Variants in WDR54 observed in about 807,000 individuals in gnomAD.
WDR54 encodes WD repeat domain 54, also known as WD repeat-containing protein 54.
A neutral mutation model predicts 44.1 loss-of-function variants in WDR54; 44 were observed. The observed-to-expected ratio is 1.00, with a 90% confidence interval of 0.78 to 1.28. The LOEUF is 1.28. Ranked by LOEUF, WDR54 falls within the 50% of genes most tolerant of loss-of-function variation. The probability of loss-of-function intolerance (pLI) is 0.00; values close to 1 mark genes in which losing one functional copy is unlikely to be tolerated. For missense variants in WDR54, 409 were observed against 429.7 expected (o/e 0.95, Z 0.43); for synonymous variants, 169 against 169.8 (o/e 1.00, Z 0.04).
intron 2 of WDR54, 176 bp from the exon 3 acceptor site, chr2:74,422,694 G>A (rs948711857): frequency 6.2e-6 from 4 of 648,230 alleles, no homozygotes; most frequent in Non-Finnish European, 1.1e-5. Context: ...TTGGGTGGCT[G>A]AGGCAGGAGA....
chr2:74,425,329 C>T, intron 8 of WDR54, 88 bp from the exon 9 acceptor site: 2 of 1,583,480 alleles, frequency 1.3e-6, no homozygotes, highest in Non-Finnish European at 1.7e-6. Context: ...CTCAGTGTAG[C>T]CCCCTCCCCT....
Position 74,422,363 on chromosome 2 carries a change from A to C in WDR54, c.210A>C (p.Pro70=). The C allele has an allele frequency of 6.2e-7, 1 of 1,612,558 alleles. No individual in the cohort carries two copies. Among genetic ancestry groups the C allele is most frequent in the Non-Finnish European group, 8.5e-7 (1 of 1,178,898 alleles). The change falls in exon 2 of 10, where the codon CCA becomes CCC. Residue 70 remains proline, a synonymous_variant. Coordinates refer to ENST00000348227, the MANE Select transcript of WDR54 (RefSeq NM_032118.4). ...HAKEGAGVSP[P]LITQVHWCVL... is the part of the protein sequence containing the mutation. Reference sequence around the variant, plus strand: ...AGGAGGGTGCTGGAGTGAGTCCCCCACTTATCACTCAGGTGAGGCATGGAG... The same window carrying C: ...AGGAGGGTGCTGGAGTGAGTCCCCCCCTTATCACTCAGGTGAGGCATGGAG...
intron 6 of WDR54, 78 bp downstream of exon 6, chr2:74,424,060 T>G: frequency 2.5e-6 from 4 of 1,582,278 alleles, no homozygotes; most frequent in Non-Finnish European, 3.4e-6. Context: ...GTCTTGGCTC[T>G]GCCACTAAAC....
chr2:74,421,778 T>C lies in WDR54; in HGVS notation c.-40T>C. Reference sequence around the variant, plus strand: ...GGTGGCGGCGGATTTGGAGGGACCCTACGAACCAGGAGTCAGGCGAGCCGA... The same window carrying C: ...GGTGGCGGCGGATTTGGAGGGACCCCACGAACCAGGAGTCAGGCGAGCCGA... On this transcript the variant is annotated 5_prime_UTR_variant, in exon 1 of 10. Transcript: ENST00000348227. 1 of 668,132 alleles carries C rather than the reference T, an allele frequency of 1.5e-6. No individual in the cohort carries two copies. The highest frequency in any genetic ancestry group is 2.4e-5 in the Admixed American group (1 of 42,320). The allele number at this position is 668,132 out of a possible 1,614,324, so 41.4% of individuals were successfully genotyped here. A position where few individuals can be genotyped will look rare whatever the true frequency, so the allele number is the denominator to read the frequency against.
At chr2:74,421,949 C>T (rs1676639217) in intron 1 of WDR54, 133 bp downstream of exon 1, 1 of 621,522 alleles carries the variant, frequency 1.6e-6, no homozygotes. Flanking sequence ...CATTCCTCCT[C>T]TGCGATTCCC....
In WDR54 at chr2:74,423,481, AGGCTGTGTTTGCCC is replaced by A. The variant is rs1670215703; in HGVS notation, c.359_372del (p.Ala120GlyfsTer22). The stretch of plus-strand genomic sequence containing the variant: ...CATTCTCCCCTTTCATATTCAGTAC[AGGCTGTGTTTGCCC>A]GGGGAATTGCTGCCAGTGGCCACTT... On this transcript the variant is annotated frameshift_variant, in exon 5 of 10. Coordinates refer to ENST00000348227, the MANE Select transcript of WDR54 (RefSeq NM_032118.4). LOFTEE classifies it high-confidence loss of function. 15 of 1,614,018 alleles carry A rather than the reference AGGCTGTGTTTGCCC, an allele frequency of 9.3e-6. No homozygotes were observed. Among genetic ancestry groups the A allele is most frequent in the Non-Finnish European group, 1.2e-5 (14 of 1,179,928 alleles).
chr2:74,422,599 G>C, intron 2 of WDR54: 2 of 624,476 alleles, frequency 3.2e-6, no homozygotes, highest in Admixed American at 5.9e-5. Context: ...AGACCAGCCT[G>C]GCCAACATGG....
chr2:74,423,711 T>A, intron 5 of WDR54, 144 bp from the exon 6 acceptor site: 1 of 1,441,162 alleles, frequency 6.9e-7, no homozygotes, highest in Non-Finnish European at 9.5e-7. Context: ...AAGACAAGGC[T>A]AGTGAATGAA....
chr2:74,422,661 C>T (rs1670169181), intron 2 of WDR54: 3 of 612,254 alleles, frequency 4.9e-6, no homozygotes, highest in East Asian at 2.8e-5. Flanking sequence ...GGTGTGGTGG[C>T]GTGCACCTGT....
At position 74,424,923 on chromosome 2, in the gene WDR54, G is replaced by A. The variant is rs2103861090; in HGVS notation, c.583G>A (p.Val195Ile). Reference protein sequence around the residue: ...VTADDSGLLCVWRSGPEFTLL... With the variant: ...VTADDSGLLCIWRSGPEFTLL... ...GGCAGATGACTCAGGCTTGCTGTGT[G>A]TCTGGCGGTCAGGGCCAGAATTCAC... The change falls in exon 7 of 10, where the codon GTC becomes ATC. Residue 195 changes from valine to isoleucine, a missense_variant. By Grantham distance (29) the Val-to-Ile change is conservative (BLOSUM62 3). Coordinates refer to ENST00000348227, the MANE Select transcript of WDR54 (RefSeq NM_032118.4). The A allele has an allele frequency of 6.2e-7, 1 of 1,614,230 alleles. No homozygotes were observed. Among genetic ancestry groups the A allele is most frequent in the South Asian group, 1.1e-5 (1 of 91,078 alleles).
Position 74,425,138 on chromosome 2 carries a change from A to C in WDR54, c.699A>C (p.Gln233His). The change falls in exon 8 of 10, where the codon CAA becomes CAC. Residue 233 changes from glutamine to histidine, a missense_variant. Gln to His is a conservative substitution (Grantham distance 24). Transcript: ENST00000348227. ...GIIAAGYGNG[Q>H]VHLYEATTGN... ...TAGCAGCAGGCTATGGGAACGGACA[A>C]GTGCATCTATATGAGGCCACTACAG... The C allele has an allele frequency of 6.4e-7, 1 of 1,566,450 alleles. No individual in the cohort carries two copies. The highest frequency in any genetic ancestry group is 1.2e-5 in the South Asian group (1 of 82,722).
chr2:74,423,163 TCTCA>T (rs1670200356), intron 3 of WDR54, 152 bp from the exon 4 acceptor site: 1 of 966,268 alleles, frequency 1.0e-6, no homozygotes, highest in Non-Finnish European at 1.6e-6. Flanking sequence ...AACTTCTCAC[TCTCA>T]CTGTTGTCCT....
rs1214027142 is a variant in WDR54 at position 74,423,951 on chromosome 2, C to G, written c.503C>G (p.Thr168Arg). ...EELAGHQMPI[T>R]DIATEPAQGQ... The stretch of plus-strand genomic sequence containing the variant: ...CTGGCTGGGCACCAGATGCCAATCA[C>G]AGACATTGCCACCGAGCCTGCCCAG... The change falls in exon 6 of 10, where the codon ACA (threonine) becomes AGA (arginine). Residue 168 changes from threonine to arginine, a missense_variant. Thr to Arg is a moderately conservative substitution (Grantham distance 71). Coordinates refer to ENST00000348227, the MANE Select transcript of WDR54 (RefSeq NM_032118.4). The G allele has an allele frequency of 6.2e-7, 1 of 1,614,154 alleles. No homozygotes were observed.
chr2:74,422,204 G>C lies in WDR54; in HGVS notation c.51G>C (p.Leu17=), dbSNP rs754474610. 5 of 1,613,956 alleles carry C rather than the reference G, an allele frequency of 3.1e-6. No individual in the cohort carries two copies. The African/African-American group carries it at 4.0e-5, about 13-fold the overall frequency. ...SIPLRGSAAA[L]CNNLSVLQLP... The stretch of plus-strand genomic sequence containing the variant: ...CCCTGCGAGGCTCGGCCGCCGCCCT[G>C]TGCAACAACCTCAGTGTGCTGCAGC... The change falls in exon 2 of 10, where the codon CTG becomes CTC. Residue 17 remains leucine (L), a synonymous_variant. Coordinates refer to ENST00000348227, the MANE Select transcript of WDR54 (RefSeq NM_032118.4).
In WDR54 at chr2:74,423,930, C is replaced by T; in HGVS notation, c.482C>T (p.Ala161Val). 6.2e-7 allele frequency: 1 copy of T among 1,614,110 alleles called. No individual in the cohort carries two copies. The highest frequency in any genetic ancestry group is 8.5e-7 in the Non-Finnish European group (1 of 1,180,024). The change falls in exon 6 of 10, where the codon GCT becomes GTT. Residue 161 changes from alanine to valine, a missense_variant. Ala to Val is a moderately conservative substitution (Grantham distance 64). Coordinates refer to ENST00000348227, the MANE Select transcript of WDR54 (RefSeq NM_032118.4). ...AACATTGTACTGAGCGAGGAGCTGG[C>T]TGGGCACCAGATGCCAATCACAGAC... is the stretch of plus-strand genomic sequence containing the variant. The part of the protein sequence containing the change: ...GPNIVLSEEL[A>V]GHQMPITDIA...
intron 5 of WDR54, 74 bp from the exon 6 acceptor site, chr2:74,423,781 T>C: frequency 6.3e-7 from 1 of 1,581,320 alleles, no homozygotes; most frequent in Non-Finnish European, 8.6e-7. Context: ...TGGGATGGAG[T>C]AAGTGTTGAG....
intron 6 of WDR54, among the ~76,000 whole-genome samples, chr2:74,424,555 G>A (rs962426578): frequency 8.5e-5 from 13 of 152,202 alleles, no homozygotes; most frequent in Non-Finnish European, 1.9e-4. Flanking sequence ...GACTGTGACT[G>A]GTTCACTACG....
Position 74,425,733 on chromosome 2 carries a change from T to A in WDR54, c.*32T>A, listed in dbSNP as rs756502831. 6.2e-7 allele frequency: 1 copy of A among 1,613,654 alleles called. No individual in the cohort carries two copies. Among genetic ancestry groups the A allele is most frequent in the South Asian group, 1.1e-5 (1 of 90,888 alleles). On this transcript the variant is annotated 3_prime_UTR_variant, in exon 10 of 10. Transcript: ENST00000348227. ...CAGCCTTCCTTTGTCCCTGTGGTAT[T>A]CATAAAGTACCCGCTCCACCCAGCC... is the stretch of plus-strand genomic sequence containing the variant.
chr2:74,422,324 C>T lies in WDR54; in HGVS notation c.171C>T (p.Arg57=), dbSNP rs1287659245. 2 of 1,614,058 alleles carry T rather than the reference C, an allele frequency of 1.2e-6. No individual in the cohort carries two copies. Among genetic ancestry groups the T allele is most frequent in the Admixed American group, 1.7e-5 (1 of 60,008 alleles). ...CTGAGGGTGTGCCCTTGGCCCAGCG[C>T]CAGCTCCACGCTAAGGAGGGTGCTG... The part of the protein sequence containing the change: ...AAPEGVPLAQ[R]QLHAKEGAGV... Residue 57 remains arginine, a synonymous_variant, in exon 2 of 10, where the codon CGC becomes CGT. Transcript: ENST00000348227.
Sources: gnomAD v4.1 joint callset for allele counts (sites outside exome capture counted in the v4.1 genomes callset) on GRCh38, gnomAD v4.1.1 for gene constraint, MANE v1.5 for transcripts, NCBI Gene and HGNC (gene_info 2026-07-23, HGNC 2026-07-21) for gene names.